Variants in MTA3 observed in about 807,000 individuals in gnomAD.
The protein encoded by MTA3 is metastasis associated 1 family member 3.
MTA3 carries 34 observed loss-of-function variants against 83.5 expected under a neutral mutation model. That is an observed-to-expected ratio of 0.41 (90% CI 0.31 to 0.54). The LOEUF (loss-of-function observed/expected upper bound fraction) is 0.54, where lower values mean the gene tolerates loss of function less well. MTA3 is among the 20% of genes least tolerant of loss of function. The probability of loss-of-function intolerance (pLI) is 0.33; values close to 1 mark genes in which losing one functional copy is unlikely to be tolerated. For synonymous variants in MTA3, 303 were observed against 252.7 expected, an observed-to-expected ratio of 1.20 and a Z score of -1.89; for missense variants, 761 against 726.4, an observed-to-expected ratio of 1.05 and a Z score of -0.55.
rs146921280 is a variant in MTA3, at chr2:42,745,824, C to CTTTTTTTT, written c.1760-7549_1760-7542dup. 5.0e-5 allele frequency among the ~76,000 whole-genome samples: 6 copies of CTTTTTTTT among 119,364 alleles called. 1 individual carries two copies. The highest frequency in any genetic ancestry group is 3.1e-4 in the South Asian group (1 of 3,268). The allele number at this position is 119,364 out of a possible 152,430, so 78.3% of individuals were successfully genotyped here. Reference sequence around the variant, plus strand: ...TTTTATGTCCTTTTGAAATAGTCCTCTTTTTTTTGAGACAGAGTCTCGCTC... The same window carrying CTTTTTTTT: ...TTTTATGTCCTTTTGAAATAGTCCTCTTTTTTTTTTTTTTTTGAGACAGAGTCTCGCTC... On this transcript the variant is annotated intron_variant, in intron 16 of 16. Coordinates refer to ENST00000405094, the MANE Select transcript of MTA3 (RefSeq NM_001330442.2).
intron 2 of MTA3, among the ~76,000 whole-genome samples, chr2:42,571,683 C>G (rs919798832): frequency 6.6e-6 from 1 of 152,172 alleles, no homozygotes; most frequent in Non-Finnish European, 1.5e-5. Flanking sequence ...TGCGGTGGCT[C>G]ACGCCTGTAA....
At chr2:42,511,640 C>T (rs1674900569) in intron 2 of MTA3, 1 of 152,394 alleles carries the variant, frequency 6.6e-6, no homozygotes, top group Non-Finnish European at 1.5e-5. Context: ...CGCTTGAACC[C>T]AGGAGGCAGA....
intron 4 of MTA3, among the ~76,000 whole-genome samples, chr2:42,621,899 G>A (rs1275687709): frequency 6.6e-6 from 1 of 151,776 alleles, no homozygotes; most frequent in East Asian, 1.9e-4. Context: ...TAGACGGGAA[G>A]AGGCGCTCCT....
chr2:42,679,226 TACTTAG>T (rs2104428951), intron 8 of MTA3, among the ~76,000 whole-genome samples: 1 of 152,350 alleles, frequency 6.6e-6, no homozygotes, highest in South Asian at 2.1e-4. Context: ...ACTGCGATTA[TACTTAG>T]AAAGTATAAT....
At chr2:42,649,098 T>A (rs959720505) in intron 6 of MTA3, among the ~76,000 whole-genome samples, 1 of 152,066 alleles carries the variant, frequency 6.6e-6, no homozygotes, top group Non-Finnish European at 1.5e-5. Context: ...TACCACTCAT[T>A]TAATAGCTGT....
chr2:42,739,524 A>G (rs900957249), intron 16 of MTA3, among the ~76,000 whole-genome samples: 4 of 151,620 alleles, frequency 2.6e-5, no homozygotes, highest in South Asian at 2.1e-4. Flanking sequence ...TCTTGCCTCA[A>G]TGTTGATGGC....
intron 2 of MTA3, among the ~76,000 whole-genome samples, chr2:42,525,603 T>TTTCCTTCCTGCC (rs1675664399): frequency 2.1e-5 from 2 of 95,506 alleles, no homozygotes; most frequent in Non-Finnish European, 2.2e-5. Context: ...CCTTCCTTCC[T>TTTCCTTCCTGCC]TTCCTTCCTT....
chr2:42,680,984 C>T (rs961001918), intron 8 of MTA3, among the ~76,000 whole-genome samples: 3 of 152,188 alleles, frequency 2.0e-5, no homozygotes, highest in Admixed American at 6.5e-5. Context: ...CACCAGCATT[C>T]TGCCCACCTT....
chr2:42,566,211 C>T (rs1677905489), upstream of MTA3, among the ~76,000 whole-genome samples: 1 of 152,038 alleles, frequency 6.6e-6, no homozygotes, highest in Admixed American at 6.6e-5. Flanking sequence ...GGAGAGGCGC[C>T]TTTGCTTTTT....
intron 9 of MTA3, among the ~76,000 whole-genome samples, chr2:42,690,346 T>C (rs1692767295): frequency 6.6e-6 from 1 of 152,228 alleles, no homozygotes; most frequent in South Asian, 2.1e-4. Flanking sequence ...TTTTCAGTAC[T>C]GTAAAGCTGT....
At chr2:42,599,298 T>C (rs1166771818) in intron 3 of MTA3, among the ~76,000 whole-genome samples, 1 of 152,088 alleles carries the variant, frequency 6.6e-6, no homozygotes, top group East Asian at 1.9e-4. Context: ...TTACATTTAA[T>C]AGTAGTGGTA....
At chr2:42,623,101 G>T (rs769653469) in intron 4 of MTA3, among the ~76,000 whole-genome samples, 1 of 152,144 alleles carries the variant, frequency 6.6e-6, no homozygotes, top group Non-Finnish European at 1.5e-5. Context: ...GGTATATGGT[G>T]GGCGTGTCTT....
chr2:42,651,986 C>T (rs2104345816), intron 6 of MTA3, among the ~76,000 whole-genome samples: 1 of 151,814 alleles, frequency 6.6e-6, no homozygotes, highest in East Asian at 1.9e-4. Context: ...ATCCCAGCTA[C>T]TTCGGGAGGC....
intron 4 of MTA3, 61 bp downstream of exon 4, chr2:42,609,645 C>G: frequency 3.3e-6 from 5 of 1,515,280 alleles, no homozygotes; most frequent in Non-Finnish European, 4.4e-6. Flanking sequence ...CAAAAGACTT[C>G]TTTGAAGCGT....
chr2:42,669,080 C>T (rs985359545), intron 8 of MTA3, among the ~76,000 whole-genome samples: 1 of 147,020 alleles, frequency 6.8e-6, no homozygotes, highest in African/African-American at 2.5e-5. Flanking sequence ...ACAGAAAATA[C>T]AGATTTTTTT....
At chr2:42,613,387 T>C (rs1014921177) in intron 4 of MTA3, among the ~76,000 whole-genome samples, 1 of 152,226 alleles carries the variant, frequency 6.6e-6, no homozygotes, top group African/African-American at 2.4e-5. Flanking sequence ...ATTTTAGCTT[T>C]GTTTAGCCAT....
chr2:42,649,576 T>C (rs1433111701), intron 6 of MTA3, among the ~76,000 whole-genome samples: 2 of 152,224 alleles, frequency 1.3e-5, no homozygotes, highest in African/African-American at 2.4e-5. Context: ...TCAGTTCATA[T>C]GTGGCTTTCC....
intron 14 of MTA3, among the ~76,000 whole-genome samples, chr2:42,714,516 C>G (rs1344564346): frequency 6.6e-6 from 1 of 151,998 alleles, no homozygotes; most frequent in Non-Finnish European, 1.5e-5. Flanking sequence ...TTTGTGAATT[C>G]TGTGTGTATA....
intron 2 of MTA3, among the ~76,000 whole-genome samples, chr2:42,547,820 T>G (rs1039224763): frequency 3.9e-5 from 6 of 152,184 alleles, no homozygotes; most frequent in African/African-American, 1.4e-4. Context: ...TTAGTTCGCT[T>G]TAACGCGACT....
Sources: allele counts gnomAD v4.1 joint callset (sites outside exome capture counted in the v4.1 genomes callset), GRCh38; gene constraint gnomAD v4.1.1; transcripts MANE v1.5; gene names NCBI Gene and HGNC (gene_info 2026-07-23, HGNC 2026-07-21).